Variants in CADM2 observed in about 807,000 individuals in gnomAD.
CADM2 encodes cell adhesion molecule 2, also known as immunoglobulin superfamily member 4D.
CADM2 carries 12 observed loss-of-function variants against 49.8 expected under a neutral mutation model. That is an observed-to-expected ratio of 0.24 (90% CI 0.15 to 0.39). The LOEUF (loss-of-function observed/expected upper bound fraction) is 0.39. CADM2 is among the 10% of genes least tolerant of loss of function. The probability of loss-of-function intolerance (pLI) is 1.00; values close to 1 mark genes in which losing one functional copy is unlikely to be tolerated. For missense variants in CADM2, 378 were observed against 492.3 expected (o/e 0.77, Z 2.20); for synonymous variants, 214 against 175.4 (o/e 1.22, Z -1.74).
chr3:85,641,770 CA>C (rs34883542), intron 1 of CADM2, among the ~76,000 whole-genome samples: 53,897 of 144,546 alleles, frequency 0.37, 10,525 homozygotes, highest in East Asian at 0.54. Context: ...ACTAAAAATA[CA>C]AAAAAAAAAA....
chr3:85,919,361 G>T (rs1482322202), intron 6 of CADM2, among the ~76,000 whole-genome samples: 1 of 151,816 alleles, frequency 6.6e-6, no homozygotes, highest in African/African-American at 2.4e-5. Flanking sequence ...AAAATTCTGA[G>T]TATCAAGGAA....
chr3:85,739,893 G>T (rs1031410744), intron 2 of CADM2, among the ~76,000 whole-genome samples: 4 of 152,128 alleles, frequency 2.6e-5, no homozygotes, highest in Non-Finnish European at 5.9e-5. Flanking sequence ...GCCCAAGTGT[G>T]CATTCAAAAC....
chr3:85,584,539 C>T (rs2062884906), intron 1 of CADM2, among the ~76,000 whole-genome samples: 2 of 151,962 alleles, frequency 1.3e-5, no homozygotes, highest in Non-Finnish European at 2.9e-5. Flanking sequence ...CCCAAGTTTC[C>T]TAAAGATGTG....
intron 1 of CADM2, among the ~76,000 whole-genome samples, chr3:85,132,817 T>G (rs911662424): frequency 6.6e-6 from 1 of 152,158 alleles, no homozygotes; most frequent in Non-Finnish European, 1.5e-5. Context: ...GCAATCCACA[T>G]GGTATAGTAG....
At chr3:85,667,896 A>G (rs2065619668) in intron 1 of CADM2, among the ~76,000 whole-genome samples, 1 of 152,098 alleles carries the variant, frequency 6.6e-6, no homozygotes. Flanking sequence ...CATCAGGAAG[A>G]TAAGAGATAA....
At chr3:85,217,440 CATT>C (rs1289657218) in intron 1 of CADM2, among the ~76,000 whole-genome samples, 4 of 151,956 alleles carry the variant, frequency 2.6e-5, no homozygotes, top group African/African-American at 4.8e-5. Context: ...TCCACACACA[CATT>C]ATGTTGCATC....
In CADM2 at chr3:86,009,929, T is replaced by G. The variant is rs576635076; in HGVS notation, c.970+48282T>G. On this transcript the variant is annotated intron_variant, in intron 8 of 9. Transcript: ENST00000383699. ...TTATTTTGGGGGTAACACAACACAA[T>G]TTTCGATATGTTGTGTTTAGGTAGT... is the stretch of plus-strand genomic sequence containing the variant. Among the ~76,000 whole-genome samples the G allele has an allele frequency of 2.2e-3, 334 of 151,958 alleles. 4 individuals are homozygous for G. The highest frequency in any genetic ancestry group is 4.4e-3 in the South Asian group (21 of 4,822).
intron 1 of CADM2, among the ~76,000 whole-genome samples, chr3:85,593,800 C>G (rs1475739125): frequency 6.6e-6 from 1 of 151,902 alleles, no homozygotes; most frequent in East Asian, 1.9e-4. Flanking sequence ...TTTATGTTAT[C>G]TGTTAACTGG....
chr3:85,990,242 A>G (rs1337974513), intron 8 of CADM2, among the ~76,000 whole-genome samples: 2 of 152,030 alleles, frequency 1.3e-5, no homozygotes, highest in African/African-American at 4.8e-5. Context: ...TTTCACTTTC[A>G]GTCAGTATTC....
intron 1 of CADM2, among the ~76,000 whole-genome samples, chr3:85,459,816 G>A (rs1382522358): frequency 2.0e-5 from 3 of 152,162 alleles, no homozygotes; most frequent in Admixed American, 1.3e-4. Context: ...TTTGATTGTG[G>A]ATGCCATTCA....
At chr3:84,967,690 T>C (rs1193592823) in intron 1 of CADM2, among the ~76,000 whole-genome samples, 1 of 152,022 alleles carries the variant, frequency 6.6e-6, no homozygotes, top group African/African-American at 2.4e-5. Context: ...AATAAATTAA[T>C]GGGGAATGAA....
chr3:85,687,290 A>G (rs1577086166), intron 1 of CADM2, among the ~76,000 whole-genome samples: 1 of 152,212 alleles, frequency 6.6e-6, no homozygotes, highest in Non-Finnish European at 1.5e-5. Context: ...AGGTAGCTTA[A>G]AAGAATGCCA....
chr3:85,622,613 T>C (rs141220382), intron 1 of CADM2, among the ~76,000 whole-genome samples: 169 of 152,312 alleles, frequency 1.1e-3, no homozygotes, highest in Non-Finnish European at 1.9e-3. Flanking sequence ...AAGACTTTTC[T>C]TAACCATCTT....
chr3:85,031,277 T>G (rs960976965), intron 1 of CADM2, among the ~76,000 whole-genome samples: 1 of 152,160 alleles, frequency 6.6e-6, no homozygotes, highest in African/African-American at 2.4e-5. Flanking sequence ...AGGGAGCCAA[T>G]TGAGTTAGTA....
At chr3:85,312,329 T>C (rs2044364916) in intron 1 of CADM2, among the ~76,000 whole-genome samples, 1 of 152,196 alleles carries the variant, frequency 6.6e-6, no homozygotes, top group African/African-American at 2.4e-5. Context: ...TTTAAGCTAA[T>C]AATTCCTTGT....
intron 2 of CADM2, among the ~76,000 whole-genome samples, chr3:85,751,778 A>G (rs1384204699): frequency 6.6e-6 from 1 of 152,180 alleles, no homozygotes; most frequent in African/African-American, 2.4e-5. Flanking sequence ...GCATATGCTT[A>G]TGACTAAGCC....
At chr3:85,372,619 G>C (rs1464851512) in intron 1 of CADM2, among the ~76,000 whole-genome samples, 1 of 151,752 alleles carries the variant, frequency 6.6e-6, no homozygotes, top group Non-Finnish European at 1.5e-5. Context: ...AGATATTTTG[G>C]GTCCTAATAC....
At chr3:85,280,185 CA>C (rs1237221339) in intron 1 of CADM2, among the ~76,000 whole-genome samples, 1 of 151,692 alleles carries the variant, frequency 6.6e-6, no homozygotes, top group African/African-American at 2.4e-5. Context: ...CTCCCCTTCA[CA>C]TGTACTTTGT....
chr3:85,428,880 T>C (rs2107516400), intron 1 of CADM2, among the ~76,000 whole-genome samples: 1 of 151,806 alleles, frequency 6.6e-6, no homozygotes, highest in Middle Eastern at 3.4e-3. Context: ...TAGGAGTCAC[T>C]ACGGAAACTT....
Sources: allele counts gnomAD v4.1 joint callset (sites outside exome capture counted in the v4.1 genomes callset), GRCh38; gene constraint gnomAD v4.1.1; transcripts MANE v1.5; gene names NCBI Gene and HGNC (gene_info 2026-07-23, HGNC 2026-07-21).